CADM2: variants seen among roughly 807,000 people sequenced by gnomAD.
CADM2 encodes the protein immunoglobulin superfamily member 4D.
Under a neutral mutation model 49.8 loss-of-function variants are expected in CADM2, and 12 were observed. That is an observed-to-expected ratio of 0.24 (90% CI 0.15 to 0.39). The LOEUF is 0.39. Among genes scored for constraint, CADM2 ranks in the 10% least tolerant of loss-of-function variants. The probability of loss-of-function intolerance (pLI) is 1.00; values close to 1 mark genes in which losing one functional copy is unlikely to be tolerated. For synonymous variants in CADM2, 214 were observed against 175.4 expected (o/e 1.22, Z -1.74); for missense variants, 378 against 492.3 (o/e 0.77, Z 2.20).
intron 1 of CADM2, among the ~76,000 whole-genome samples, chr3:85,034,789 G>GTTTTTTTTTTTTTTTTT (rs2035137941): frequency 1.0e-5 from 1 of 99,362 alleles, no homozygotes; most frequent in Admixed American, 1.2e-4. Flanking sequence ...AAGACATTTT[G>GTTTTTTTTTTTTTTTTT]CTTTTTTTTT....
intron 6 of CADM2, among the ~76,000 whole-genome samples, chr3:85,919,944 G>A (rs1718878947): frequency 6.6e-6 from 1 of 151,778 alleles, no homozygotes. Flanking sequence ...CTCAGATGTG[G>A]GCAGAGATTC....
chr3:85,825,127 G>A (rs1343345453), intron 3 of CADM2, among the ~76,000 whole-genome samples: 1 of 151,974 alleles, frequency 6.6e-6, no homozygotes, highest in South Asian at 2.1e-4. Context: ...ATAAATTGAG[G>A]TACAGTTGAT....
At chr3:85,248,735 G>C (rs2042708384) in intron 1 of CADM2, among the ~76,000 whole-genome samples, 1 of 152,078 alleles carries the variant, frequency 6.6e-6, no homozygotes, top group African/African-American at 2.4e-5. Flanking sequence ...ATCGAAAGTA[G>C]GTTAATGATA....
At chr3:85,196,540 A>G (rs967060662) in intron 1 of CADM2, among the ~76,000 whole-genome samples, 1 of 152,002 alleles carries the variant, frequency 6.6e-6, no homozygotes, top group Admixed American at 6.6e-5. Flanking sequence ...GACATGGAAA[A>G]GTTATAAAGA....
At chr3:85,843,353 G>T (rs1274546727) in intron 3 of CADM2, among the ~76,000 whole-genome samples, 1 of 151,946 alleles carries the variant, frequency 6.6e-6, no homozygotes, top group African/African-American at 2.4e-5. Context: ...TAAGAATACG[G>T]TCTTTCTCTC....
At chr3:85,950,780 G>A (rs1723336612) in intron 7 of CADM2, among the ~76,000 whole-genome samples, 1 of 151,060 alleles carries the variant, frequency 6.6e-6, no homozygotes, top group Non-Finnish European at 1.5e-5. Context: ...TAATATGCAT[G>A]TTATTTTCCC....
chr3:85,369,666 GT>G (rs1208430924), intron 1 of CADM2, among the ~76,000 whole-genome samples: 1 of 152,126 alleles, frequency 6.6e-6, no homozygotes, highest in Non-Finnish European at 1.5e-5. Context: ...TTGTGAAAAT[GT>G]AAACATGTTT....
intron 1 of CADM2, among the ~76,000 whole-genome samples, chr3:85,469,466 T>C (rs2107605990): frequency 6.6e-6 from 1 of 152,156 alleles, no homozygotes; most frequent in East Asian, 1.9e-4. Flanking sequence ...ATGGACCCAA[T>C]AGTTTAATTC....
At chr3:84,966,907 A>C (rs751592636) in intron 1 of CADM2, among the ~76,000 whole-genome samples, 8 of 152,042 alleles carry the variant, frequency 5.3e-5, no homozygotes, top group Non-Finnish European at 1.2e-4. Flanking sequence ...CATTGCTTAG[A>C]AAATAAAAAT....
intron 1 of CADM2, among the ~76,000 whole-genome samples, chr3:84,997,820 TAATC>T (rs2033257065): frequency 1.3e-5 from 2 of 152,086 alleles, no homozygotes; most frequent in Admixed American, 6.6e-5. Context: ...TATTTGATAA[TAATC>T]CAAGTATCCA....
At chr3:85,901,529 AC>A (rs1386285572) in intron 5 of CADM2, among the ~76,000 whole-genome samples, 1 of 152,156 alleles carries the variant, frequency 6.6e-6, no homozygotes, top group Non-Finnish European at 1.5e-5. Context: ...AACCAATCTT[AC>A]CTTTCCGTCA....
At chr3:85,116,251 G>A (rs559426666) in intron 1 of CADM2, among the ~76,000 whole-genome samples, 6 of 152,126 alleles carry the variant, frequency 3.9e-5, no homozygotes, top group South Asian at 2.1e-4. Flanking sequence ...CTCTTAAACC[G>A]GGAGGCAGAG....
At chr3:85,443,869 T>C (rs2037321041) in intron 1 of CADM2, among the ~76,000 whole-genome samples, 1 of 152,144 alleles carries the variant, frequency 6.6e-6, no homozygotes, top group Admixed American at 6.6e-5. Context: ...TGTTTCTTGC[T>C]CAGGTATTTC....
intron 1 of CADM2, among the ~76,000 whole-genome samples, chr3:85,204,851 C>A (rs893115537): frequency 1.3e-5 from 2 of 151,802 alleles, no homozygotes; most frequent in Admixed American, 6.6e-5. Context: ...GATATAGGGA[C>A]ATTTAACTCA....
At chr3:85,256,980 A>G (rs1019593359) in intron 1 of CADM2, among the ~76,000 whole-genome samples, 5 of 152,146 alleles carry the variant, frequency 3.3e-5, no homozygotes, top group African/African-American at 7.2e-5. Flanking sequence ...ATCATATGCT[A>G]GGCATTATCC....
intron 3 of CADM2, among the ~76,000 whole-genome samples, chr3:85,876,075 G>A (rs967620555): frequency 2.6e-5 from 4 of 152,124 alleles, no homozygotes; most frequent in African/African-American, 9.7e-5. Flanking sequence ...CAGTGACATG[G>A]ATTTAAGTTA....
chr3:85,979,353 G>T, intron 8 of CADM2: 1 of 1,508,048 alleles, frequency 6.6e-7, no homozygotes, highest in Admixed American at 1.9e-5. Flanking sequence ...TTTTAGAAAG[G>T]TTAAAAACAT....
intron 8 of CADM2, among the ~76,000 whole-genome samples, chr3:85,965,409 AT>A (rs1277720584): frequency 2.0e-5 from 3 of 151,156 alleles, no homozygotes; most frequent in African/African-American, 7.3e-5. Flanking sequence ...TATATAATAA[AT>A]TAGACTATTC....
chr3:85,663,955 G>T (rs61153638), intron 1 of CADM2, among the ~76,000 whole-genome samples: 1 of 151,768 alleles, frequency 6.6e-6, no homozygotes, highest in African/African-American at 2.4e-5. Flanking sequence ...TAGAATTTTC[G>T]TCTTACGCAA....
Sources: allele counts gnomAD v4.1 joint callset (sites outside exome capture counted in the v4.1 genomes callset), GRCh38; gene constraint gnomAD v4.1.1; transcripts MANE v1.5; gene names NCBI Gene and HGNC (gene_info 2026-07-23, HGNC 2026-07-21).